Variants in EHBP1 observed in about 807,000 individuals in gnomAD.
EHBP1 encodes EH domain-binding protein 1.
EHBP1 carries 55 observed loss-of-function variants against 144.0 expected under a neutral mutation model. The observed-to-expected ratio is 0.38, with a 90% CI of 0.31 to 0.48. EHBP1 has a LOEUF of 0.48. EHBP1 is among the 20% of genes least tolerant of loss of function. The pLI, the probability that EHBP1 is intolerant of heterozygous loss-of-function variation, is 0.98. For missense variants in EHBP1, 1,200 were observed against 1,364.2 expected, an observed-to-expected ratio of 0.88 and a Z score of 1.90; for synonymous variants, 469 against 472.7, an observed-to-expected ratio of 0.99 and a Z score of 0.10.
intron 2 of EHBP1, among the ~76,000 whole-genome samples, chr2:62,741,108 C>G (rs1296800916): frequency 6.6e-6 from 1 of 152,110 alleles, no homozygotes; most frequent in Non-Finnish European, 1.5e-5. Flanking sequence ...CTACTCTTGT[C>G]TTATGACTAT....
At chr2:62,915,969 C>A (rs1339124666) in intron 10 of EHBP1, among the ~76,000 whole-genome samples, 1 of 152,064 alleles carries the variant, frequency 6.6e-6, no homozygotes, top group Non-Finnish European at 1.5e-5. Flanking sequence ...TAACATAGAA[C>A]TTTAATTCAC....
chr2:62,959,990 CTT>C (rs1237130850), intron 14 of EHBP1, among the ~76,000 whole-genome samples: 1 of 151,970 alleles, frequency 6.6e-6, no homozygotes, highest in Admixed American at 6.6e-5. Context: ...ACTTGTGAGA[CTT>C]TTGTATTTAG....
At chr2:62,794,004 T>C (rs1004456136) in intron 5 of EHBP1, among the ~76,000 whole-genome samples, 16 of 152,176 alleles carry the variant, frequency 1.1e-4, no homozygotes, top group African/African-American at 3.9e-4. Context: ...GTATTTCTTA[T>C]CTTTGCTCTC....
intron 14 of EHBP1, among the ~76,000 whole-genome samples, chr2:62,959,935 C>T (rs1035136691): frequency 6.6e-6 from 1 of 152,052 alleles, no homozygotes; most frequent in African/African-American, 2.4e-5. Context: ...TAAATAGAAG[C>T]ATGTAGTGCA....
At chr2:62,988,651 T>G (rs1348950175) in intron 15 of EHBP1, among the ~76,000 whole-genome samples, 1 of 152,152 alleles carries the variant, frequency 6.6e-6, no homozygotes, top group African/African-American at 2.4e-5. Flanking sequence ...TTGCTGGTGG[T>G]TTTTAATAGG....
intron 5 of EHBP1, among the ~76,000 whole-genome samples, chr2:62,775,388 G>C (rs553811332): frequency 2.5e-4 from 38 of 152,246 alleles, no homozygotes; most frequent in African/African-American, 9.1e-4. Flanking sequence ...ATTTCAAAGA[G>C]CTAAAGTTCT....
chr2:62,685,678 A>T (rs360787), intron 1 of EHBP1, among the ~76,000 whole-genome samples: 23,807 of 152,160 alleles, frequency 0.16, 2,138 homozygotes, highest in Middle Eastern at 0.24. Context: ...AATTCAACCC[A>T]CATCAGTCCA....
At chr2:63,044,027 A>C (rs2061809895) in intron 21 of EHBP1, 1 of 133,080 alleles carries the variant, frequency 7.5e-6, no homozygotes, top group South Asian at 2.4e-4. Context: ...CTGCCTCATC[A>C]TCTACTTCTT....
chr2:62,886,699 A>C (rs1175928947), intron 10 of EHBP1, among the ~76,000 whole-genome samples: 1 of 152,172 alleles, frequency 6.6e-6, no homozygotes, highest in East Asian at 1.9e-4. Context: ...GAATACCTTC[A>C]ATCTGCTTTT....
At chr2:62,712,186 A>G (rs1241824785) in intron 2 of EHBP1, among the ~76,000 whole-genome samples, 1 of 152,206 alleles carries the variant, frequency 6.6e-6, no homozygotes, top group Non-Finnish European at 1.5e-5. Flanking sequence ...GGAAACGTTG[A>G]ACTTAGGTAG....
At chr2:62,896,755 G>A (rs928800101) in intron 10 of EHBP1, among the ~76,000 whole-genome samples, 18 of 150,126 alleles carry the variant, frequency 1.2e-4, no homozygotes, top group African/African-American at 4.2e-4. Flanking sequence ...CTCTGCCCCC[G>A]CTACTGAAAA....
chr2:62,906,903 C>T (rs2053854120), intron 10 of EHBP1, among the ~76,000 whole-genome samples: 1 of 152,024 alleles, frequency 6.6e-6, no homozygotes, highest in Admixed American at 6.6e-5. Flanking sequence ...ATCATATAAC[C>T]TTTTGGAATG....
intron 2 of EHBP1, among the ~76,000 whole-genome samples, chr2:62,732,785 T>C (rs1213699109): frequency 6.6e-6 from 1 of 152,226 alleles, no homozygotes; most frequent in East Asian, 1.9e-4. Context: ...TCAATACTTT[T>C]TGTAATTGTC....
chr2:63,008,982 T>C (rs986144192), intron 19 of EHBP1, among the ~76,000 whole-genome samples: 1 of 151,702 alleles, frequency 6.6e-6, no homozygotes, highest in African/African-American at 2.4e-5. Context: ...GTCATTTAAT[T>C]GGCCTATTGA....
chr2:62,927,102 A>G (rs2055578739), intron 10 of EHBP1, among the ~76,000 whole-genome samples: 1 of 152,214 alleles, frequency 6.6e-6, no homozygotes, highest in African/African-American at 2.4e-5. Context: ...AGAAAGTTAA[A>G]CACTGCATGT....
In EHBP1 at chr2:63,015,999, T is replaced by A. The variant is rs576840386; in HGVS notation, c.3103+19233T>A. ...AAATAAATGAGGGAATTTGATGTTATAAAGCAAATAAAATGATTACTAAGG... is the reference window on the plus strand; with the variant it reads ...AAATAAATGAGGGAATTTGATGTTAAAAAGCAAATAAAATGATTACTAAGG... On this transcript the variant is annotated intron_variant, in intron 19 of 22. Coordinates refer to ENST00000431489, the MANE Select transcript of EHBP1 (RefSeq NM_001142616.3). Among the ~76,000 whole-genome samples the A allele has an allele frequency of 7.2e-5, 11 of 152,266 alleles. No individual in the cohort carries two copies. The South Asian group carries it at 2.3e-3, about 32-fold the overall frequency.
At chr2:62,838,520 A>G (rs1169710577) in intron 7 of EHBP1, among the ~76,000 whole-genome samples, 2 of 152,222 alleles carry the variant, frequency 1.3e-5, no homozygotes, top group Non-Finnish European at 2.9e-5. Context: ...TAGAGACACA[A>G]AAAGCCCTTC....
chr2:62,921,064 A>T (rs2055039161), intron 10 of EHBP1, among the ~76,000 whole-genome samples: 2 of 152,222 alleles, frequency 1.3e-5, no homozygotes, highest in Admixed American at 1.3e-4. Context: ...AAGGTTATTG[A>T]TGGAGCTATT....
In EHBP1 at chr2:62,859,249, G is replaced by C; in HGVS notation, c.715G>C (p.Asp239His). The C allele has an allele frequency of 6.2e-7, 1 of 1,611,330 alleles. No individual in the cohort carries two copies. Among genetic ancestry groups the C allele is most frequent in the Non-Finnish European group, 8.5e-7 (1 of 1,178,234 alleles). ...TVNSNPFDDP[D>H]AAELNPFGDP... ...GAATTCAAATCCATTTGATGATCCT[G>C]ATGCTGCAGAATTAAATCCATTTGG... Residue 239 changes from aspartate to histidine, a missense_variant, in exon 8 of 23, where the codon GAT becomes CAT. Coordinates refer to ENST00000431489, the MANE Select transcript of EHBP1 (RefSeq NM_001142616.3).
Sources: gnomAD v4.1 joint callset for allele counts (sites outside exome capture counted in the v4.1 genomes callset) on GRCh38, gnomAD v4.1.1 for gene constraint, MANE v1.5 for transcripts, NCBI Gene and HGNC (gene_info 2026-07-23, HGNC 2026-07-21) for gene names.